Variants in PACS1 observed in about 807,000 individuals in gnomAD.
PACS1 encodes PACS-1.
PACS1 carries 24 observed loss-of-function variants against 115.0 expected under a neutral mutation model. The ratio of observed to expected loss-of-function variants is 0.21; its 90% CI spans 0.15 to 0.29. The LOEUF (loss-of-function observed/expected upper bound fraction) is 0.29, where lower values mean the gene tolerates loss of function less well. Ranked by LOEUF, PACS1 falls within the 10% of genes least tolerant of loss-of-function variation. The pLI is 1.00. For synonymous variants in PACS1, 453 were observed against 504.5 expected, an observed-to-expected ratio of 0.90 and a Z score of 1.37; for missense variants, 838 against 1,251.2, an observed-to-expected ratio of 0.67 and a Z score of 4.98.
rs373877149 is a variant in PACS1 at position 66,090,194 on chromosome 11, ACTTGG to A, written c.356+19376_356+19380del. Among the ~76,000 whole-genome samples, 603 of 147,784 alleles carry A rather than the reference ACTTGG, an allele frequency of 4.1e-3. 2 individuals carry two copies. The highest frequency in any genetic ancestry group is 0.014 in the African/African-American group (549 of 39,928). ...ACAGAAAGTGGCTTGGCTTGACTTGACTTGGCTTGGCTTGGCTTGGCTTGGCTTTT... is the reference window on the plus strand; with the variant it reads ...ACAGAAAGTGGCTTGGCTTGACTTGACTTGGCTTGGCTTGGCTTGGCTTTT... On this transcript the variant is annotated intron_variant, in intron 1 of 23. Coordinates refer to ENST00000320580, the MANE Select transcript of PACS1 (RefSeq NM_018026.4).
chr11:66,130,505 C>G (rs1858674903), intron 1 of PACS1, among the ~76,000 whole-genome samples: 3 of 152,144 alleles, frequency 2.0e-5, no homozygotes, highest in Admixed American at 2.0e-4. Context: ...CCATCCCACT[C>G]CCATTAGCAT....
intron 1 of PACS1, among the ~76,000 whole-genome samples, chr11:66,190,996 C>A (rs1365734948): frequency 6.6e-6 from 1 of 152,186 alleles, no homozygotes; most frequent in Non-Finnish European, 1.5e-5. Flanking sequence ...CGAGTGGCCA[C>A]AAACTTCGTG....
intron 1 of PACS1, among the ~76,000 whole-genome samples, chr11:66,141,191 T>C (rs1469342340): frequency 6.6e-6 from 1 of 152,254 alleles, no homozygotes; most frequent in Non-Finnish European, 1.5e-5. Context: ...TAATGAAATA[T>C]TACTTTTATA....
intron 1 of PACS1, among the ~76,000 whole-genome samples, chr11:66,139,116 ACAT>A (rs1449620847): frequency 2.6e-5 from 4 of 152,170 alleles, no homozygotes; most frequent in African/African-American, 4.8e-5. Flanking sequence ...CAACCTGAAA[ACAT>A]CATGCTACTG....
At chr11:66,231,975 G>T in intron 13 of PACS1, 197 bp from the exon 14 acceptor site, 1 of 551,472 alleles carries the variant, frequency 1.8e-6, no homozygotes, top group East Asian at 3.1e-5. Flanking sequence ...GTCCTCTAAG[G>T]ACTCGCTTTG....
intron 8 of PACS1, 79 bp downstream of exon 8, chr11:66,219,884 A>T: frequency 1.0e-6 from 1 of 994,898 alleles, no homozygotes; most frequent in Non-Finnish European, 1.6e-6. Context: ...TACACTCTGT[A>T]TTGCCACTGA....
At chr11:66,095,544 A>G (rs115517201) in intron 1 of PACS1, among the ~76,000 whole-genome samples, 4,237 of 152,280 alleles carry the variant, frequency 0.028, 203 homozygotes, top group African/African-American at 0.095. Context: ...TACGAACTCA[A>G]TCTCCTGGAT....
chr11:66,189,314 CTTGCT>C (rs1454146223), intron 1 of PACS1, among the ~76,000 whole-genome samples: 2 of 152,180 alleles, frequency 1.3e-5, no homozygotes, highest in East Asian at 3.8e-4. Context: ...CATATCCAGT[CTTGCT>C]GTTGCTTTAC....
intron 1 of PACS1, among the ~76,000 whole-genome samples, chr11:66,133,954 G>A (rs1450603457): frequency 6.6e-6 from 1 of 152,164 alleles, no homozygotes; most frequent in Non-Finnish European, 1.5e-5. Context: ...TACTGGGCAA[G>A]TTGTTGACTT....
intron 2 of PACS1, among the ~76,000 whole-genome samples, chr11:66,196,259 G>A (rs1189952411): frequency 6.6e-6 from 1 of 152,218 alleles, no homozygotes; most frequent in Non-Finnish European, 1.5e-5. Context: ...GCTTAAGAAT[G>A]TTCTTAAGAA....
intron 1 of PACS1, among the ~76,000 whole-genome samples, chr11:66,156,254 A>ATATATATATATATATAT (rs1491402806): frequency 1.2e-5 from 1 of 82,184 alleles, no homozygotes; most frequent in African/African-American, 4.9e-5. Flanking sequence ...ATATATATAT[A>ATATATATATATATATAT]GTTTTTTTTT....
chr11:66,106,687 T>C (rs1288822521), intron 1 of PACS1, among the ~76,000 whole-genome samples: 1 of 151,600 alleles, frequency 6.6e-6, no homozygotes, highest in Non-Finnish European at 1.5e-5. Context: ...GCCCAAGAGG[T>C]TGAGGCTGCA....
intron 1 of PACS1, among the ~76,000 whole-genome samples, chr11:66,112,899 G>C (rs1018880212): frequency 6.6e-6 from 1 of 152,228 alleles, no homozygotes; most frequent in Non-Finnish European, 1.5e-5. Flanking sequence ...ATACATGGTG[G>C]AATATGGATG....
intron 4 of PACS1, among the ~76,000 whole-genome samples, chr11:66,212,276 C>T (rs1191275003): frequency 1.3e-5 from 2 of 151,238 alleles, no homozygotes; most frequent in East Asian, 1.9e-4. Context: ...GGACTACAGG[C>T]GTGCACCACC....
chr11:66,188,732 G>A (rs922643125), intron 1 of PACS1, among the ~76,000 whole-genome samples: 2 of 152,072 alleles, frequency 1.3e-5, no homozygotes, highest in African/African-American at 4.8e-5. Flanking sequence ...AGACTACTTC[G>A]TTACAATGTC....
At chr11:66,135,174 T>C (rs1858814178) in intron 1 of PACS1, among the ~76,000 whole-genome samples, 1 of 152,094 alleles carries the variant, frequency 6.6e-6, no homozygotes, top group Non-Finnish European at 1.5e-5. Flanking sequence ...CACTCCAGCC[T>C]GGGCAATAGA....
intron 1 of PACS1, among the ~76,000 whole-genome samples, chr11:66,153,767 C>T (rs1285054102): frequency 2.0e-5 from 3 of 151,858 alleles, no homozygotes; most frequent in African/African-American, 7.3e-5. Context: ...GGTGACAGAG[C>T]GAGACTGTCT....
intron 11 of PACS1, among the ~76,000 whole-genome samples, chr11:66,229,211 C>CAAAAAAA (rs386374029): frequency 3.2e-5 from 2 of 63,172 alleles, no homozygotes; most frequent in Admixed American, 2.0e-4. Flanking sequence ...CCCGTCTCTA[C>CAAAAAAA]AAAAAAAAAA....
At chr11:66,204,143 A>G (rs4930345) in intron 2 of PACS1, among the ~76,000 whole-genome samples, 39,343 of 152,036 alleles carry the variant, frequency 0.26, 5,950 homozygotes, top group South Asian at 0.46. Context: ...TCCCTTGTCC[A>G]TCTGACAAGG....
Sources: gnomAD v4.1 joint callset for allele counts (sites outside exome capture counted in the v4.1 genomes callset) on GRCh38, gnomAD v4.1.1 for gene constraint, MANE v1.5 for transcripts, NCBI Gene and HGNC (gene_info 2026-07-23, HGNC 2026-07-21) for gene names.